PTPRC: variants seen among roughly 807,000 people sequenced by gnomAD.
PTPRC encodes receptor-type tyrosine-protein phosphatase C.
A neutral mutation model predicts 155.9 loss-of-function variants in PTPRC; 44 were observed. The observed-to-expected ratio is 0.28, with a 90% CI of 0.22 to 0.36. PTPRC has a LOEUF of 0.36. Among genes scored for constraint, PTPRC ranks in the 10% least tolerant of loss-of-function variants. PTPRC has a pLI of 1.00. For missense variants in PTPRC, 1,401 were observed against 1,564.6 expected (o/e 0.90, Z 1.76); for synonymous variants, 525 against 533.1 (o/e 0.98, Z 0.21).
chr1:198,660,256 T>A (rs751274585), intron 2 of PTPRC, among the ~76,000 whole-genome samples: 1 of 151,890 alleles, frequency 6.6e-6, no homozygotes, highest in African/African-American at 2.4e-5. Context: ...TTTTCAAAAG[T>A]GTTACTTTTA....
At position 198,673,791 on chromosome 1, in the gene PTPRC, G is replaced by A. The variant is rs529674103; in HGVS notation, c.74-18556G>A. 2.0e-5 allele frequency among the ~76,000 whole-genome samples: 3 copies of A among 152,250 alleles called. No individual in the cohort carries two copies. In the South Asian group the frequency reaches 6.2e-4, roughly 32 times the overall value. On this transcript the variant is annotated intron_variant, in intron 2 of 32. Transcript: ENST00000442510. Reference sequence around the variant, plus strand: ...GTGAAACAATTTCCCAAGAAATGCGGTAGAATAAGCCTTTTGGTTTCTGAT... The same window carrying A: ...GTGAAACAATTTCCCAAGAAATGCGATAGAATAAGCCTTTTGGTTTCTGAT...
At chr1:198,665,010 A>ACCC (rs2102269333) in intron 2 of PTPRC, among the ~76,000 whole-genome samples, 1 of 148,240 alleles carries the variant, frequency 6.7e-6, no homozygotes, top group East Asian at 2.0e-4. Context: ...CTGGAGGGTT[A>ACCC]CCCTTTGGAT....
At chr1:198,665,079 C>CCTTTTTTTTTTTTTTTTTTTTTTTT (rs1557979011) in intron 2 of PTPRC, among the ~76,000 whole-genome samples, 2 of 102,244 alleles carry the variant, frequency 2.0e-5, no homozygotes. Context: ...ATCCCGGCAG[C>CCTTTTTTTTTTTTTTTTTTTTTTTT]ATTTTTTTTT....
At chr1:198,753,258 T>C (rs555882732) in intron 31 of PTPRC, among the ~76,000 whole-genome samples, 13 of 152,152 alleles carry the variant, frequency 8.5e-5, no homozygotes, top group South Asian at 8.3e-4. Context: ...GATTTGAAAC[T>C]CATTATTTAA....
intron 29 of PTPRC, among the ~76,000 whole-genome samples, chr1:198,751,987 C>G (rs1294838321): frequency 6.6e-6 from 1 of 152,184 alleles, no homozygotes; most frequent in African/African-American, 2.4e-5. Flanking sequence ...AGGAAAACAG[C>G]TGTTCCGGGG....
intron 2 of PTPRC, among the ~76,000 whole-genome samples, chr1:198,643,653 C>T (rs12117890): frequency 0.011 from 1,704 of 151,898 alleles, 18 homozygotes; most frequent in Non-Finnish European, 0.013. Context: ...GAATGTTTTT[C>T]CTAAATTTTC....
At chr1:198,722,148 A>C (rs147898091) in intron 14 of PTPRC, among the ~76,000 whole-genome samples, 2 of 150,834 alleles carry the variant, frequency 1.3e-5, no homozygotes, top group African/African-American at 4.8e-5. Context: ...ATCCAGTTTC[A>C]TTATTTTAAA....
chr1:198,742,922 A>G (rs568139584), intron 25 of PTPRC, among the ~76,000 whole-genome samples: 16 of 151,932 alleles, frequency 1.1e-4, no homozygotes, highest in Admixed American at 3.3e-4. Flanking sequence ...GGCCCATGCT[A>G]TGCATTTGGT....
chr1:198,648,917 T>C (rs1015263441), intron 2 of PTPRC, among the ~76,000 whole-genome samples: 1 of 151,154 alleles, frequency 6.6e-6, no homozygotes, highest in East Asian at 1.9e-4. Context: ...AGTATCTAGA[T>C]TTTTTTTTGT....
intron 12 of PTPRC, among the ~76,000 whole-genome samples, chr1:198,714,488 A>G (rs1387774511): frequency 6.6e-6 from 1 of 152,154 alleles, no homozygotes; most frequent in Non-Finnish European, 1.5e-5. Flanking sequence ...TCCACATAGA[A>G]CACTTAAACG....
chr1:198,651,276 C>G (rs1456983246), intron 2 of PTPRC, among the ~76,000 whole-genome samples: 1 of 137,472 alleles, frequency 7.3e-6, no homozygotes, highest in African/African-American at 2.7e-5. Context: ...TAAGACAATA[C>G]TTGAACAGAT....
intron 15 of PTPRC, among the ~76,000 whole-genome samples, chr1:198,725,847 C>T (rs1223077896): frequency 6.6e-6 from 1 of 152,218 alleles, no homozygotes; most frequent in African/African-American, 2.4e-5. Context: ...GGAATCTATT[C>T]CTTTGATTTA....
intron 2 of PTPRC, among the ~76,000 whole-genome samples, chr1:198,656,522 A>C (rs764637018): frequency 5.3e-5 from 8 of 152,060 alleles, no homozygotes; most frequent in Non-Finnish European, 8.8e-5. Context: ...CAAGGGCCTA[A>C]TACAGGGAAA....
intron 2 of PTPRC, among the ~76,000 whole-genome samples, chr1:198,640,798 A>C (rs1252757831): frequency 6.6e-6 from 1 of 151,926 alleles, no homozygotes; most frequent in Non-Finnish European, 1.5e-5. Flanking sequence ...TATTCATTTA[A>C]CTTCTATTAT....
In PTPRC at chr1:198,757,120, T is replaced by C. The variant is rs1655719176; in HGVS notation, c.*939T>C. 6.6e-6 allele frequency: 1 copy of C among 151,910 alleles called. No homozygotes were observed. The highest frequency in any genetic ancestry group is 1.5e-5 in the Non-Finnish European group (1 of 67,822). The allele number at this position is 151,910 out of a possible 1,614,324, so 9.4% of individuals were successfully genotyped here. On this transcript the variant is annotated 3_prime_UTR_variant, in exon 33 of 33. Transcript: ENST00000442510. ...ATTTTTATGGAATTTTTCATTGATATGAAAAATATGATATTGCATATGCAT... is the reference window on the plus strand; with the variant it reads ...ATTTTTATGGAATTTTTCATTGATACGAAAAATATGATATTGCATATGCAT...
intron 2 of PTPRC, among the ~76,000 whole-genome samples, chr1:198,684,867 C>T (rs546747288): frequency 6.6e-6 from 1 of 152,042 alleles, no homozygotes; most frequent in African/African-American, 2.4e-5. Context: ...TTTATTTGAG[C>T]TCTATCTTTC....
chr1:198,755,887 C>A lies in PTPRC; in HGVS notation c.3646-19C>A. The A allele has an allele frequency of 6.3e-7, 1 of 1,596,742 alleles. No individual in the cohort carries two copies. The highest frequency in any genetic ancestry group is 8.6e-7 in the Non-Finnish European group (1 of 1,165,134). ...CATCAACTTTCTTCATGTAATTTCC[C>A]ACTTAATTCCTTTACTAGGAGCAAT... On this transcript the variant is annotated intron_variant, in intron 32 of 32. Transcript: ENST00000442510.
chr1:198,713,320 A>G (rs1653406237), intron 12 of PTPRC, among the ~76,000 whole-genome samples: 1 of 152,172 alleles, frequency 6.6e-6, no homozygotes, highest in African/African-American at 2.4e-5. Flanking sequence ...TGTGCTCCAA[A>G]GCCTAGAGAC....
chr1:198,705,813 C>T (rs1652927644), intron 8 of PTPRC, among the ~76,000 whole-genome samples: 1 of 152,184 alleles, frequency 6.6e-6, no homozygotes, highest in East Asian at 1.9e-4. Context: ...CCAACCTCAT[C>T]CCCCAAACCC....
Sources: gnomAD v4.1 joint callset for allele counts (sites outside exome capture counted in the v4.1 genomes callset) on GRCh38, gnomAD v4.1.1 for gene constraint, MANE v1.5 for transcripts, NCBI Gene and HGNC (gene_info 2026-07-23, HGNC 2026-07-21) for gene names.